The following PDE8B variants were observed in gnomAD, a reference collection of about 807,000 sequenced individuals.
PDE8B encodes phosphodiesterase 8B.
A neutral mutation model predicts 101.3 loss-of-function variants in PDE8B; 26 were observed. That is an observed-to-expected ratio of 0.26 (90% CI 0.19 to 0.36). The LOEUF (loss-of-function observed/expected upper bound fraction) is 0.36. PDE8B is among the 10% of genes least tolerant of loss of function. PDE8B has a pLI of 1.00. For missense variants in PDE8B, 810 were observed against 1,163.1 expected, an observed-to-expected ratio of 0.70 and a Z score of 4.42; for synonymous variants, 424 against 429.3, an observed-to-expected ratio of 0.99 and a Z score of 0.15.
chr5:77,219,559 G>C (rs1211268466), intron 1 of PDE8B, among the ~76,000 whole-genome samples: 1 of 152,174 alleles, frequency 6.6e-6, no homozygotes, highest in Admixed American at 6.5e-5. Flanking sequence ...CAGAGCTTTT[G>C]TCCACTCCAG....
chr5:77,301,198 C>T (rs1246949098), intron 1 of PDE8B, among the ~76,000 whole-genome samples: 1 of 152,096 alleles, frequency 6.6e-6, no homozygotes, highest in South Asian at 2.1e-4. Flanking sequence ...TGGGAGATTC[C>T]CATGGAGACA....
chr5:77,209,633 C>G (rs1246879727), upstream of PDE8B, among the ~76,000 whole-genome samples: 1 of 152,182 alleles, frequency 6.6e-6, no homozygotes, highest in Non-Finnish European at 1.5e-5. Flanking sequence ...GGCATTCTTC[C>G]TCTCCTCCAG....
At chr5:77,364,645 A>G (rs1783776142) in intron 10 of PDE8B, among the ~76,000 whole-genome samples, 1 of 152,128 alleles carries the variant, frequency 6.6e-6, no homozygotes, top group African/African-American at 2.4e-5. Flanking sequence ...ATCACCATGT[A>G]AGGAGTGGCT....
chr5:77,158,549 G>A, the PDE8B span, among the ~76,000 whole-genome samples: 1 of 152,214 alleles, frequency 6.6e-6, no homozygotes, highest in African/African-American at 2.4e-5. Flanking sequence ...GGAGAGATTT[G>A]TATAAACTGG....
chr5:77,187,840 T>C, the PDE8B span, among the ~76,000 whole-genome samples: 1 of 152,348 alleles, frequency 6.6e-6, no homozygotes, highest in South Asian at 2.1e-4. Flanking sequence ...CCATCTAGCA[T>C]ACGTGGCCAG....
intron 10 of PDE8B, among the ~76,000 whole-genome samples, chr5:77,382,974 A>G (rs1787802979): frequency 6.6e-6 from 1 of 152,164 alleles, no homozygotes; most frequent in Admixed American, 6.5e-5. Flanking sequence ...GGCTGGGTCA[A>G]ATGATATTTC....
At chr5:77,140,106 G>C in the PDE8B span, 1 of 152,084 alleles carries the variant, frequency 6.6e-6, no homozygotes, top group Admixed American at 6.6e-5. Context: ...GCATCCTACC[G>C]ATATCACCAA....
intron 8 of PDE8B, 128 bp from the exon 9 acceptor site, chr5:77,350,937 A>G (rs1455832637): frequency 1.3e-6 from 1 of 750,542 alleles, no homozygotes; most frequent in African/African-American, 1.7e-5. Context: ...GGGTACAACA[A>G]TACAGCAGGC....
Position 77,390,064 on chromosome 5 carries a change from G to C in PDE8B, c.1168-10184G>C, listed in dbSNP as rs1271353499. ...ATACTCCCTCCAACTATGTATGAGA[G>C]TTCCAGTTGTTCCATAGCCTTGACA... On this transcript the variant is annotated intron_variant, in intron 10 of 21. Coordinates refer to ENST00000264917, the MANE Select transcript of PDE8B (RefSeq NM_003719.5). 7.2e-5 allele frequency among the ~76,000 whole-genome samples: 11 copies of C among 152,284 alleles called. No homozygotes were observed. In the East Asian group the frequency reaches 2.1e-3, roughly 29 times the overall value.
At chr5:77,189,024 C>G in the PDE8B span, among the ~76,000 whole-genome samples, 1 of 152,160 alleles carries the variant, frequency 6.6e-6, no homozygotes, top group African/African-American at 2.4e-5. Context: ...CTCCCCTAAG[C>G]CCTTCCCTCT....
At chr5:77,412,261 A>G (rs760353882) in intron 16 of PDE8B, 26 bp downstream of exon 16, 11 of 1,613,162 alleles carry the variant, frequency 6.8e-6, no homozygotes, top group Non-Finnish European at 9.3e-6. Context: ...GGCTGAAGGC[A>G]GAGCAGGATT....
intron 17 of PDE8B, among the ~76,000 whole-genome samples, chr5:77,415,700 C>T (rs1795396497): frequency 6.6e-6 from 1 of 152,148 alleles, no homozygotes; most frequent in African/African-American, 2.4e-5. Context: ...GCATGCCCAA[C>T]CCAGCTGTAG....
At chr5:77,233,699 T>TGTGTGTGC (rs979930633) in intron 1 of PDE8B, among the ~76,000 whole-genome samples, 45 of 146,882 alleles carry the variant, frequency 3.1e-4, no homozygotes, top group African/African-American at 1.1e-3. Context: ...TGTGTGTGTG[T>TGTGTGTGC]GCAGTAGACT....
intron 18 of PDE8B, 27 bp downstream of exon 18, chr5:77,418,473 C>A: frequency 6.5e-7 from 1 of 1,540,320 alleles, no homozygotes; most frequent in South Asian, 1.1e-5. Flanking sequence ...CTCCTGTGCT[C>A]AAGTTTGTGA....
At chr5:77,412,268 G>T in intron 16 of PDE8B, 33 bp downstream of exon 16, 1 of 1,610,604 alleles carries the variant, frequency 6.2e-7, no homozygotes. Context: ...GGCAGAGCAG[G>T]ATTGATGGCC....
chr5:77,180,375 G>T, the PDE8B span: 3 of 903,970 alleles, frequency 3.3e-6, no homozygotes, highest in African/African-American at 5.4e-5. Flanking sequence ...GGTGCGCCAG[G>T]CCGGTGCCCT....
upstream of PDE8B, among the ~76,000 whole-genome samples, chr5:77,206,046 A>G (rs566311118): frequency 6.6e-5 from 10 of 151,678 alleles, no homozygotes; most frequent in Non-Finnish European, 1.2e-4. Flanking sequence ...GACTTTAAAA[A>G]CTAAAAACAC....
intron 1 of PDE8B, among the ~76,000 whole-genome samples, chr5:77,232,767 G>A (rs866115343): frequency 6.6e-6 from 1 of 152,210 alleles, no homozygotes; most frequent in Non-Finnish European, 1.5e-5. Context: ...CTGTGGTGAT[G>A]CAGCAGGTTG....
intron 10 of PDE8B, among the ~76,000 whole-genome samples, chr5:77,375,770 T>C (rs1036722367): frequency 3.3e-5 from 5 of 152,128 alleles, no homozygotes; most frequent in African/African-American, 9.7e-5. Flanking sequence ...AGGAAAAAAC[T>C]GCTCATGTCA....
Sources: allele counts gnomAD v4.1 joint callset (sites outside exome capture counted in the v4.1 genomes callset), GRCh38; gene constraint gnomAD v4.1.1; transcripts MANE v1.5; gene names NCBI Gene and HGNC (gene_info 2026-07-23, HGNC 2026-07-21).